The following NXPH1 variants were observed in gnomAD, a reference collection of about 807,000 sequenced individuals.
The protein encoded by NXPH1 is neurexophilin 1.
In NXPH1, 5 loss-of-function variants were observed where a neutral mutation model predicts 23.7. The observed-to-expected ratio is 0.21, with a 90% CI of 0.11 to 0.44. NXPH1 has a LOEUF of 0.44. NXPH1 is among the 20% of genes least tolerant of loss of function. NXPH1 has a pLI of 0.99. For missense variants in NXPH1, 324 were observed against 321.6 expected (o/e 1.01, Z -0.06); for synonymous variants, 144 against 122.2 (o/e 1.18, Z -1.18).
intron 2 of NXPH1, among the ~76,000 whole-genome samples, chr7:8,583,636 G>A (rs898243615): frequency 2.0e-5 from 3 of 152,188 alleles, no homozygotes; most frequent in Non-Finnish European, 4.4e-5. Flanking sequence ...CTACCCTGGT[G>A]AAGGATGACA....
At chr7:8,543,973 G>A (rs987160353) in intron 2 of NXPH1, among the ~76,000 whole-genome samples, 3 of 151,544 alleles carry the variant, frequency 2.0e-5, no homozygotes. Flanking sequence ...GGCAATTGAG[G>A]GCAAAAGAGG....
chr7:8,485,655 G>A (rs1817147305), intron 2 of NXPH1, among the ~76,000 whole-genome samples: 1 of 152,070 alleles, frequency 6.6e-6, no homozygotes, highest in Non-Finnish European at 1.5e-5. Context: ...GTGGAGGCGG[G>A]GAGGGGGCTC....
chr7:8,517,184 A>G (rs1221557432), intron 2 of NXPH1, among the ~76,000 whole-genome samples: 1 of 152,100 alleles, frequency 6.6e-6, no homozygotes, highest in Non-Finnish European at 1.5e-5. Context: ...AGCAGTGAGC[A>G]ACAGTGGCGG....
At chr7:8,530,446 G>C (rs913017000) in intron 2 of NXPH1, among the ~76,000 whole-genome samples, 2 of 152,212 alleles carry the variant, frequency 1.3e-5, no homozygotes, top group African/African-American at 4.8e-5. Flanking sequence ...GGTTAGTCTA[G>C]AATGATGTTT....
chr7:8,436,178 T>C (rs182317119), intron 2 of NXPH1, among the ~76,000 whole-genome samples: 68 of 152,188 alleles, frequency 4.5e-4, no homozygotes, highest in African/African-American at 1.6e-3. Flanking sequence ...CCCAGGTCTG[T>C]GAGTTTAAAA....
At chr7:8,677,645 A>C (rs542632531) in intron 2 of NXPH1, among the ~76,000 whole-genome samples, 2 of 152,302 alleles carry the variant, frequency 1.3e-5, no homozygotes, top group Admixed American at 6.5e-5. Context: ...AAATGAAAAA[A>C]GAAAGAAAGA....
At chr7:8,585,315 T>A (rs1041390671) in intron 2 of NXPH1, among the ~76,000 whole-genome samples, 1 of 151,706 alleles carries the variant, frequency 6.6e-6, no homozygotes, top group Non-Finnish European at 1.5e-5. Context: ...AAATGAGGTA[T>A]GCTTGCTCTG....
chr7:8,743,510 T>C (rs1317005159), intron 2 of NXPH1, among the ~76,000 whole-genome samples: 1 of 152,042 alleles, frequency 6.6e-6, no homozygotes, highest in East Asian at 1.9e-4. Context: ...CGAGAAGTGG[T>C]TTATTCCCCC....
chr7:8,551,532 T>C (rs954529204), intron 2 of NXPH1, among the ~76,000 whole-genome samples: 3 of 151,526 alleles, frequency 2.0e-5, no homozygotes, highest in African/African-American at 7.3e-5. Flanking sequence ...TCCTTTACGA[T>C]TTTGGAACAA....
At position 8,739,823 on chromosome 7, in the gene NXPH1, T is replaced by G. The variant is rs75939851; in HGVS notation, c.55-11185T>G. ...TTTAAATTTTTATATCTTTTGCTTT[T>G]TAAACATTTTTAAAAATGAAGACAC... On this transcript the variant is annotated intron_variant, in intron 2 of 2. Coordinates refer to ENST00000405863, the MANE Select transcript of NXPH1 (RefSeq NM_152745.3). 7.8e-3 allele frequency among the ~76,000 whole-genome samples: 1,182 copies of G among 152,346 alleles called. 15 individuals carry two copies. Among genetic ancestry groups the G allele is most frequent in the African/African-American group, 0.026 (1,086 of 41,572 alleles).
intron 2 of NXPH1, among the ~76,000 whole-genome samples, chr7:8,648,787 A>G (rs567563330): frequency 6.6e-6 from 1 of 152,320 alleles, no homozygotes; most frequent in East Asian, 1.9e-4. Flanking sequence ...TGTATAATTT[A>G]TCAATTACTA....
At chr7:8,748,193 T>A (rs2115234056) in intron 2 of NXPH1, among the ~76,000 whole-genome samples, 1 of 152,324 alleles carries the variant, frequency 6.6e-6, no homozygotes, top group Non-Finnish European at 1.5e-5. Flanking sequence ...AGCAACGATT[T>A]TGCTGTTATT....
intron 2 of NXPH1, among the ~76,000 whole-genome samples, chr7:8,519,454 T>C (rs996746886): frequency 2.0e-5 from 3 of 152,176 alleles, no homozygotes; most frequent in Non-Finnish European, 4.4e-5. Flanking sequence ...AAAATGCTAT[T>C]TTGTTTTCAG....
chr7:8,502,714 G>C (rs1817456726), intron 2 of NXPH1, among the ~76,000 whole-genome samples: 1 of 151,634 alleles, frequency 6.6e-6, no homozygotes, highest in East Asian at 1.9e-4. Flanking sequence ...CCAGGATTAA[G>C]ATCCAGAACT....
rs1816444312 is a variant in NXPH1, at chr7:8,448,467, C to T, written c.54+12700C>T. Among the ~76,000 whole-genome samples the T allele has an allele frequency of 2.0e-5, 3 of 152,148 alleles. No homozygotes were observed. In the South Asian group the frequency reaches 6.2e-4, roughly 32 times the overall value. ...AGCTATATAGTTGCTCAGTGCTGCC[C>T]AGAAAGCCATATGTATTTAGAGTGG... On this transcript the variant is annotated intron_variant, in intron 2 of 2. Coordinates refer to ENST00000405863, the MANE Select transcript of NXPH1 (RefSeq NM_152745.3).
At chr7:8,477,564 G>A (rs920598516) in intron 2 of NXPH1, among the ~76,000 whole-genome samples, 1 of 152,080 alleles carries the variant, frequency 6.6e-6, no homozygotes, top group Non-Finnish European at 1.5e-5. Context: ...AAAGAAATAT[G>A]CAAATGTGCC....
intron 2 of NXPH1, among the ~76,000 whole-genome samples, chr7:8,577,582 A>G (rs1032345526): frequency 6.6e-5 from 10 of 152,144 alleles, no homozygotes; most frequent in African/African-American, 2.4e-4. Flanking sequence ...TTTATTATCA[A>G]TTACACACTG....
chr7:8,655,396 GTCTTTCTCTC>G (rs1820558439), intron 2 of NXPH1, among the ~76,000 whole-genome samples: 2 of 139,244 alleles, frequency 1.4e-5, no homozygotes, highest in African/African-American at 5.6e-5. Context: ...CTTTGTCTTT[GTCTTTCTCTC>G]TCTCTCTCTC....
chr7:8,471,179 C>T (rs1304415753), intron 2 of NXPH1, among the ~76,000 whole-genome samples: 1 of 152,058 alleles, frequency 6.6e-6, no homozygotes, highest in Non-Finnish European at 1.5e-5. Context: ...AGTTTAGCGT[C>T]TCAAAATTAA....
Sources: allele counts gnomAD v4.1 joint callset (sites outside exome capture counted in the v4.1 genomes callset), GRCh38; gene constraint gnomAD v4.1.1; transcripts MANE v1.5; gene names NCBI Gene and HGNC (gene_info 2026-07-23, HGNC 2026-07-21).